Variants in ACTR5 observed in about 807,000 individuals in gnomAD.
ACTR5 encodes the protein actin related protein 5.
Under a neutral mutation model 61.2 loss-of-function variants are expected in ACTR5, and 43 were observed. The observed-to-expected ratio is 0.70, with a 90% CI of 0.55 to 0.91. The LOEUF is 0.91. Among genes scored for constraint, ACTR5 ranks in the 40% least tolerant of loss-of-function variants. The pLI is 0.00. For synonymous variants in ACTR5, 333 were observed against 310.5 expected (o/e 1.07, Z -0.76); for missense variants, 798 against 782.2 (o/e 1.02, Z -0.24).
intron 5 of ACTR5, 150 bp downstream of exon 5, chr20:38,756,189 C>A: frequency 2.2e-6 from 2 of 914,836 alleles, no homozygotes; most frequent in Non-Finnish European, 3.2e-6. Flanking sequence ...CTTGTACCAA[C>A]TGAAATTCTG....
intron 7 of ACTR5, among the ~76,000 whole-genome samples, chr20:38,766,715 T>C (rs552070205): frequency 5.9e-5 from 9 of 152,220 alleles, no homozygotes; most frequent in Admixed American, 5.2e-4. Context: ...CCTAAAAATA[T>C]TGCAGAGCTA....
At chr20:38,770,587 C>G (rs1250363094) in intron 8 of ACTR5, among the ~76,000 whole-genome samples, 1 of 152,140 alleles carries the variant, frequency 6.6e-6, no homozygotes, top group Non-Finnish European at 1.5e-5. Context: ...GTCTATTAAC[C>G]ATATGTCTTG....
chr20:38,748,886 T>G (rs758834792), intron 1 of ACTR5, 33 bp downstream of exon 1: 15 of 1,576,340 alleles, frequency 9.5e-6, no homozygotes, highest in Non-Finnish European at 1.3e-5. Context: ...CTGGGCTGGG[T>G]TTGAGGGGAG....
chr20:38,769,516 T>G (rs1002457231), intron 8 of ACTR5, among the ~76,000 whole-genome samples: 2 of 152,182 alleles, frequency 1.3e-5, no homozygotes, highest in African/African-American at 2.4e-5. Context: ...GTGGAGCAAC[T>G]AGTTTGCTGA....
intron 5 of ACTR5, among the ~76,000 whole-genome samples, chr20:38,762,783 A>AAT (rs988046000): frequency 2.6e-5 from 4 of 152,150 alleles, no homozygotes; most frequent in Non-Finnish European, 4.4e-5. Context: ...GAAGATGAAG[A>AAT]ATAGGGTAAA....
chr20:38,767,600 C>T lies in ACTR5; in HGVS notation c.1566+4C>T, dbSNP rs1371009696. On this transcript the variant is annotated splice_donor_region_variant and intron_variant, in intron 8 of 8. Transcript: ENST00000243903. ...ACCCTTCCGGTCTTCTTTTCAGGTA[C>T]TGATTGTTCGAGTAGTCAATTATTT... 5.0e-6 allele frequency: 8 copies of T among 1,603,218 alleles called. 1 individual carries two copies. Among genetic ancestry groups the T allele is most frequent in the Middle Eastern group, 3.3e-4 (2 of 6,020 alleles).
rs573997169 is a variant in ACTR5 at position 38,763,515 on chromosome 20, G to A, written c.1177-1887G>A. ...CTTGTATTACCTACTCTGACCTCAG[G>A]CTAGATTGTTTTCATGTTCCTAAAG... is the stretch of plus-strand genomic sequence containing the variant. On this transcript the variant is annotated intron_variant, in intron 5 of 8. Coordinates refer to ENST00000243903, the MANE Select transcript of ACTR5 (RefSeq NM_024855.4). Among the ~76,000 whole-genome samples, 44 of 152,324 alleles carry A rather than the reference G, an allele frequency of 2.9e-4. 1 individual carries two copies. The highest frequency in any genetic ancestry group is 1.0e-3 in the African/African-American group (43 of 41,560).
intron 7 of ACTR5, 74 bp downstream of exon 7, chr20:38,766,451 T>C: frequency 6.7e-7 from 1 of 1,497,884 alleles, no homozygotes; most frequent in Non-Finnish European, 8.9e-7. Context: ...ATGGTAGATT[T>C]GATGGTCAGG....
intron 8 of ACTR5, among the ~76,000 whole-genome samples, chr20:38,769,779 G>C (rs2084509409): frequency 1.3e-5 from 2 of 152,192 alleles, no homozygotes; most frequent in Middle Eastern, 3.4e-3. Context: ...AACCCCTAAA[G>C]AACACTAGCA....
At position 38,748,487 on chromosome 20, in the gene ACTR5, G is replaced by T; in HGVS notation, c.9G>T (p.Ala3=). Residue 3 remains alanine, a synonymous_variant, in exon 1 of 9, where the codon GCG becomes GCT. Coordinates refer to ENST00000243903, the MANE Select transcript of ACTR5 (RefSeq NM_024855.4). MA[A]NVFPFRDARA... ...TGGACGCGCGCTCCAAGATGGCGGC[G>T]AACGTGTTCCCGTTCCGCGACGCCC... 1 of 1,487,852 alleles carries T rather than the reference G, an allele frequency of 6.7e-7. No individual in the cohort carries two copies. Among genetic ancestry groups the T allele is most frequent in the South Asian group, 1.3e-5 (1 of 79,086 alleles). The allele number at this position is 1,487,852 out of a possible 1,614,324, so 92.2% of individuals were successfully genotyped here. A position where few individuals can be genotyped will look rare whatever the true frequency, so the allele number is the denominator to read the frequency against.
rs777129616 is a variant in ACTR5 at position 38,755,874 on chromosome 20, C to G, written c.1011C>G (p.Gly337=). The G allele has an allele frequency of 6.8e-6, 11 of 1,613,998 alleles. No homozygotes were observed. In the African/African-American group the frequency reaches 1.5e-4, roughly 22 times the overall value. Residue 337 remains glycine (G), a synonymous_variant, in exon 5 of 9, where the codon GGC becomes GGG. Transcript: ENST00000243903. ...GTTTTCAGGAACTTCTAGAGGATGG[C>G]CAGATGGATCAGTTTCACAAAGCTC... The part of the protein sequence containing the change: ...LLYVQELLED[G]QMDQFHKALI...
intron 5 of ACTR5, among the ~76,000 whole-genome samples, chr20:38,757,193 C>T (rs974388312): frequency 1.3e-5 from 2 of 152,202 alleles, no homozygotes; most frequent in African/African-American, 4.8e-5. Flanking sequence ...TCCCAAAGCA[C>T]TGGGATGACA....
intron 8 of ACTR5, among the ~76,000 whole-genome samples, chr20:38,767,908 G>A (rs948620977): frequency 2.0e-5 from 3 of 152,198 alleles, no homozygotes; most frequent in Admixed American, 6.5e-5. Context: ...ACATTGGAGC[G>A]TTCCAGACAG....
At chr20:38,752,390 C>A (rs1407468693) in intron 3 of ACTR5, 90 bp downstream of exon 3, 2 of 1,398,476 alleles carry the variant, frequency 1.4e-6, no homozygotes. Flanking sequence ...TGCTTGCTCA[C>A]TTTTTAAGCA....
intron 6 of ACTR5, among the ~76,000 whole-genome samples, 162 bp from the exon 7 acceptor site, chr20:38,766,076 G>C (rs899196375): frequency 2.0e-5 from 3 of 152,210 alleles, no homozygotes; most frequent in African/African-American, 7.2e-5. Context: ...TTGGAAGAAG[G>C]TAGGAAATTG....
At position 38,767,007 on chromosome 20, in the gene ACTR5, G is replaced by A. The variant is rs901017576; in HGVS notation, c.1434-457G>A. 2.6e-5 allele frequency among the ~76,000 whole-genome samples: 4 copies of A among 152,140 alleles called. No individual in the cohort carries two copies. In the East Asian group the frequency reaches 5.8e-4, roughly 22 times the overall value. ...CAGTGGTTGGAAAGTGATCAAACAT[G>A]TCTTAGATAAAGCTGTTATTAAAAA... On this transcript the variant is annotated intron_variant, in intron 7 of 8. Transcript: ENST00000243903.
intron 2 of ACTR5, among the ~76,000 whole-genome samples, chr20:38,750,477 A>G (rs2084380126): frequency 6.6e-6 from 1 of 152,198 alleles, no homozygotes; most frequent in South Asian, 2.1e-4. Flanking sequence ...CACATCCATA[A>G]TTCTACAATA....
At chr20:38,770,937 G>A (rs941783890) in intron 8 of ACTR5, among the ~76,000 whole-genome samples, 1 of 150,628 alleles carries the variant, frequency 6.6e-6, no homozygotes, top group Admixed American at 6.7e-5. Context: ...GGTAGGAAGT[G>A]AGGCGGGTAA....
chr20:38,771,453 A>G, intron 8 of ACTR5, 106 bp from the exon 9 acceptor site: 1 of 1,466,870 alleles, frequency 6.8e-7, no homozygotes, highest in Non-Finnish European at 9.3e-7. Context: ...GGGCCCACCT[A>G]TGTGTATATT....
Sources: gnomAD v4.1 joint callset for allele counts (sites outside exome capture counted in the v4.1 genomes callset) on GRCh38, gnomAD v4.1.1 for gene constraint, MANE v1.5 for transcripts, NCBI Gene and HGNC (gene_info 2026-07-23, HGNC 2026-07-21) for gene names.